Variants in SOX6 observed in about 807,000 individuals in gnomAD.
SOX6 encodes transcription factor SOX-6.
SOX6 carries 11 observed loss-of-function variants against 97.8 expected under a neutral mutation model. That is an observed-to-expected ratio of 0.11 (90% CI 0.07 to 0.19). The LOEUF (loss-of-function observed/expected upper bound fraction) is 0.19, where lower values mean the gene tolerates loss of function less well. Among genes scored for constraint, SOX6 ranks in the 10% least tolerant of loss-of-function variants. The pLI, the probability that SOX6 is intolerant of heterozygous loss-of-function variation, is 1.00. For missense variants in SOX6, 810 were observed against 1,039.5 expected (o/e 0.78, Z 3.04); for synonymous variants, 360 against 371.4 (o/e 0.97, Z 0.35).
rs764299526 is a variant in SOX6 at position 16,327,234 on chromosome 11, G to A, written c.238-8581C>T. Among the ~76,000 whole-genome samples the A allele has an allele frequency of 6.6e-5, 10 of 152,012 alleles. No individual in the cohort carries two copies. The South Asian group carries it at 8.3e-4, about 13-fold the overall frequency. On this transcript the variant is annotated intron_variant, in intron 2 of 15. Transcript: ENST00000683767. ...AGAGCTATAATTATATCTTCAAATC[G>A]TTGCTATGAGAAATGAATCATGTAT...
intron 13 of SOX6, among the ~76,000 whole-genome samples, chr11:16,008,052 T>C (rs935523798): frequency 6.6e-6 from 1 of 152,076 alleles, no homozygotes; most frequent in Non-Finnish European, 1.5e-5. Context: ...GTCCCTTATA[T>C]AAAATGGTGT....
At chr11:16,412,329 T>C (rs915972102) in intron 1 of SOX6, among the ~76,000 whole-genome samples, 9 of 152,196 alleles carry the variant, frequency 5.9e-5, no homozygotes, top group Non-Finnish European at 1.0e-4. Flanking sequence ...GGTGAGACAA[T>C]GGACATTAAA....
At chr11:16,383,381 G>T (rs756599559) in intron 1 of SOX6, among the ~76,000 whole-genome samples, 5 of 151,898 alleles carry the variant, frequency 3.3e-5, no homozygotes, top group Non-Finnish European at 5.9e-5. Context: ...CCTCAGCTCA[G>T]AATCTATTTA....
At chr11:16,041,234 C>T (rs964370492) in intron 12 of SOX6, among the ~76,000 whole-genome samples, 1 of 152,124 alleles carries the variant, frequency 6.6e-6, no homozygotes, top group Non-Finnish European at 1.5e-5. Context: ...AATTTTCTCA[C>T]AAGCCCCTTT....
intron 1 of SOX6, among the ~76,000 whole-genome samples, chr11:16,422,953 T>A (rs769347752): frequency 6.6e-6 from 1 of 152,228 alleles, no homozygotes; most frequent in Non-Finnish European, 1.5e-5. Flanking sequence ...ACAACTGCTC[T>A]TCTATAGTCT....
chr11:16,160,797 C>A (rs1312676218), intron 6 of SOX6, among the ~76,000 whole-genome samples: 1 of 152,152 alleles, frequency 6.6e-6, no homozygotes, highest in African/African-American at 2.4e-5. Flanking sequence ...TATTTCTGAC[C>A]ATGAATGACT....
At chr11:16,050,319 G>A (rs1847655598) in intron 10 of SOX6, among the ~76,000 whole-genome samples, 1 of 152,148 alleles carries the variant, frequency 6.6e-6, no homozygotes, top group Non-Finnish European at 1.5e-5. Flanking sequence ...AAAAGTTCTT[G>A]TAGCTATAAA....
rs774189588 is a variant in SOX6 at position 16,201,622 on chromosome 11, ATT to A, written c.536-14669_536-14668del. Among the ~76,000 whole-genome samples the A allele has an allele frequency of 2.2e-4, 30 of 133,702 alleles. 1 individual carries two copies. The highest frequency in any genetic ancestry group is 4.7e-4 in the African/African-American group (17 of 36,254). The allele number at this position is 133,702 out of a possible 152,430, so 87.7% of individuals were successfully genotyped here. A position where few individuals can be genotyped will look rare whatever the true frequency, so the allele number is the denominator to read the frequency against. ...TTCAAATGCTCCTTATTTGCAAAGT[ATT>A]TTTTTTTTTTTCTTTTTTTTTTTTT... is the stretch of plus-strand genomic sequence containing the variant. On this transcript the variant is annotated intron_variant, in intron 4 of 15. Transcript: ENST00000683767.
At chr11:16,572,580 G>A (rs1847948906) in intron 4 of SOX6, among the ~76,000 whole-genome samples, 1 of 152,074 alleles carries the variant, frequency 6.6e-6, no homozygotes, top group Admixed American at 6.5e-5. Flanking sequence ...AGCCTTTTCA[G>A]TTGCAAGACT....
chr11:16,102,046 A>G (rs1848961046), intron 7 of SOX6, among the ~76,000 whole-genome samples: 1 of 151,906 alleles, frequency 6.6e-6, no homozygotes, highest in Non-Finnish European at 1.5e-5. Flanking sequence ...GAGACAACAG[A>G]CAGAAAATAG....
At chr11:16,436,441 A>AT (rs1247286085) in intron 1 of SOX6, among the ~76,000 whole-genome samples, 1 of 151,782 alleles carries the variant, frequency 6.6e-6, no homozygotes, top group East Asian at 1.9e-4. Flanking sequence ...GTCTACAGCC[A>AT]TATATCATCT....
chr11:16,437,101 TAAA>T (rs57209441), intron 1 of SOX6, among the ~76,000 whole-genome samples: 119 of 144,214 alleles, frequency 8.3e-4, no homozygotes, highest in South Asian at 1.3e-3. Context: ...TACAAGAAAT[TAAA>T]AAAAAAAAAA....
At chr11:16,358,531 A>T (rs565029690), upstream of SOX6, among the ~76,000 whole-genome samples, 1 of 152,240 alleles carries the variant, frequency 6.6e-6, no homozygotes, top group East Asian at 1.9e-4. Flanking sequence ...ACATCGATTC[A>T]TGTGGCAGAG....
chr11:16,042,626 G>A (rs534108626), intron 12 of SOX6, among the ~76,000 whole-genome samples: 1 of 152,254 alleles, frequency 6.6e-6, no homozygotes, highest in East Asian at 1.9e-4. Context: ...CTGTGGGTAA[G>A]TCCTTTTCTC....
intron 9 of SOX6, among the ~76,000 whole-genome samples, chr11:16,086,797 C>G (rs1490544472): frequency 6.6e-6 from 1 of 152,178 alleles, no homozygotes; most frequent in Non-Finnish European, 1.5e-5. Flanking sequence ...ATTAAATTCT[C>G]TTAGGTTTGA....
intron 6 of SOX6, among the ~76,000 whole-genome samples, chr11:16,137,429 T>C (rs1176453011): frequency 1.3e-5 from 2 of 151,906 alleles, no homozygotes; most frequent in Non-Finnish European, 2.9e-5. Context: ...CTCTCTCCAA[T>C]AAATAAATAA....
intron 4 of SOX6, among the ~76,000 whole-genome samples, chr11:16,206,052 A>T (rs1006686082): frequency 1.3e-5 from 2 of 152,134 alleles, no homozygotes; most frequent in Non-Finnish European, 2.9e-5. Context: ...ATTAGAAAAA[A>T]AAAACACTTA....
chr11:16,025,175 G>A (rs1473345281), intron 12 of SOX6, among the ~76,000 whole-genome samples: 1 of 152,154 alleles, frequency 6.6e-6, no homozygotes, highest in Admixed American at 6.5e-5. Flanking sequence ...CAACTCCCAA[G>A]TAGAGTTATA....
At chr11:16,242,502 A>G (rs1380838509) in intron 3 of SOX6, among the ~76,000 whole-genome samples, 3 of 151,914 alleles carry the variant, frequency 2.0e-5, no homozygotes, top group Non-Finnish European at 4.4e-5. Context: ...TCATTGAAAG[A>G]TATACAAAGA....
Sources: gnomAD v4.1 joint callset for allele counts (sites outside exome capture counted in the v4.1 genomes callset) on GRCh38, gnomAD v4.1.1 for gene constraint, MANE v1.5 for transcripts, NCBI Gene and HGNC (gene_info 2026-07-23, HGNC 2026-07-21) for gene names.